CCDC68: variants seen among roughly 807,000 people sequenced by gnomAD.
The protein encoded by CCDC68 is coiled-coil domain-containing protein 68.
In CCDC68, 45 loss-of-function variants were observed where a neutral mutation model predicts 47.1. That is an observed-to-expected ratio of 0.96 (90% CI 0.75 to 1.23). The LOEUF (loss-of-function observed/expected upper bound fraction) is 1.23, where lower values mean the gene tolerates loss of function less well. Among genes scored for constraint, CCDC68 ranks in the 50% most tolerant of loss-of-function variants. CCDC68 has a pLI of 0.00. For synonymous variants in CCDC68, 131 were observed against 129.5 expected, an observed-to-expected ratio of 1.01 and a Z score of -0.08; for missense variants, 353 against 373.6, an observed-to-expected ratio of 0.94 and a Z score of 0.45.
At chr18:54,905,077 T>C (rs1252196110) in intron 11 of CCDC68, among the ~76,000 whole-genome samples, 2 of 151,620 alleles carry the variant, frequency 1.3e-5, no homozygotes, top group Admixed American at 6.6e-5. Context: ...CTAGGCACCA[T>C]AGCAAGATGC....
chr18:54,915,211 G>A (rs892553765), intron 10 of CCDC68, among the ~76,000 whole-genome samples: 4 of 152,344 alleles, frequency 2.6e-5, no homozygotes, highest in African/African-American at 9.6e-5. Flanking sequence ...TGTTGGAACA[G>A]CTTCAATAAG....
In CCDC68 at chr18:54,917,961, G is replaced by T; in HGVS notation, c.825C>A (p.Asp275Glu). The T allele has an allele frequency of 1.9e-6, 3 of 1,564,754 alleles. No individual in the cohort carries two copies. Among genetic ancestry groups the T allele is most frequent in the South Asian group, 1.1e-5 (1 of 87,908 alleles). The change falls in exon 10 of 12, where the codon GAC becomes GAA. Residue 275 changes from aspartate to glutamate, a missense_variant. Coordinates refer to ENST00000591504, the MANE Select transcript of CCDC68 (RefSeq NM_025214.3). ...TTTCTCTGAGATTTTCAATTCTTTT[G>T]TCTTGTTCTTTTAAATTATTTTTTA... ...EGLKNNLKEQ[D>E]KRIENLREKV...
chr18:54,933,550 C>A (rs1022945924), intron 7 of CCDC68, among the ~76,000 whole-genome samples: 2 of 152,196 alleles, frequency 1.3e-5, no homozygotes, highest in African/African-American at 4.8e-5. Context: ...TTCCTTAATG[C>A]AAACATTCTT....
intron 1 of CCDC68, among the ~76,000 whole-genome samples, chr18:54,949,076 C>T (rs548013966): frequency 6.6e-6 from 1 of 152,228 alleles, no homozygotes; most frequent in African/African-American, 2.4e-5. Context: ...TTACTTCAAC[C>T]TCTACTTCCT....
In CCDC68 at chr18:54,937,956, C is replaced by T; in HGVS notation, c.345+1G>A. ...AAATTTGAAACTTCTAAAAGTCATA[C>T]CTTGATTTTCAATACTTCATTCTCT... On this transcript the variant is annotated splice_donor_variant, in intron 5 of 11. Transcript: ENST00000591504. LOFTEE classifies it high-confidence loss of function. The T allele has an allele frequency of 6.2e-7, 1 of 1,609,060 alleles. No individual in the cohort carries two copies. Among genetic ancestry groups the T allele is most frequent in the Non-Finnish European group, 8.5e-7 (1 of 1,178,278 alleles).
chr18:54,957,369 T>A (rs997935096), intron 1 of CCDC68, among the ~76,000 whole-genome samples: 9 of 152,198 alleles, frequency 5.9e-5, no homozygotes, highest in African/African-American at 2.2e-4. Flanking sequence ...GAATGGATCA[T>A]TTATGTGGTC....
intron 1 of CCDC68, among the ~76,000 whole-genome samples, chr18:54,952,870 A>G (rs1377693210): frequency 1.3e-5 from 2 of 152,112 alleles, no homozygotes; most frequent in African/African-American, 2.4e-5. Flanking sequence ...AAAATTAGCC[A>G]GTTGTGGCGG....
intron 10 of CCDC68, among the ~76,000 whole-genome samples, chr18:54,914,796 T>G (rs1270228319): frequency 6.6e-6 from 1 of 152,194 alleles, no homozygotes; most frequent in Admixed American, 6.5e-5. Context: ...AATTGCTGAA[T>G]AGTCGGTAAT....
chr18:54,941,444 CAATTACTACTTAGTAATCACTACAAAAT>C (rs1470167602), intron 3 of CCDC68, among the ~76,000 whole-genome samples: 10 of 151,976 alleles, frequency 6.6e-5, no homozygotes, highest in Non-Finnish European at 1.5e-4. Context: ...TACTATAAAA[CAATTACTACTTAGTAATCACTACAAAAT>C]AATTACTACC....
rs1401458552 is a variant in CCDC68, at chr18:54,936,698, C to T, written c.471+135G>A. 3 of 1,073,396 alleles carry T rather than the reference C, an allele frequency of 2.8e-6. No homozygotes were observed. In the African/African-American group the frequency reaches 4.7e-5, roughly 17 times the overall value. 66.5% of individuals were successfully genotyped at this position (1,073,396 alleles called of 1,614,324 possible). A position where few individuals can be genotyped will look rare whatever the true frequency, so the allele number is the denominator to read the frequency against. ...GAGAAATTGGCAAAAGAGACAAGCA[C>T]ACCGCTTCTTTCCCAAGTCTTTTGC... On this transcript the variant is annotated intron_variant, in intron 6 of 11. Transcript: ENST00000591504.
Position 54,909,360 on chromosome 18 carries a change from GT to G in CCDC68, c.874-1499del, listed in dbSNP as rs1325424029. ...AGACTTAGAGAGTCATGTAATTATA[GT>G]TTAAAAGGTATTTTCTTTCTTTTTT... On this transcript the variant is annotated intron_variant, in intron 10 of 11. Coordinates refer to ENST00000591504, the MANE Select transcript of CCDC68 (RefSeq NM_025214.3). Among the ~76,000 whole-genome samples the G allele has an allele frequency of 5.4e-5, 8 of 147,020 alleles. No homozygotes were observed. In the Admixed American group the frequency reaches 5.6e-4, roughly 10 times the overall value.
chr18:54,931,045 A>G (rs1340872348), intron 7 of CCDC68, among the ~76,000 whole-genome samples: 2 of 151,990 alleles, frequency 1.3e-5, no homozygotes, highest in Admixed American at 1.3e-4. Context: ...AGCGTATGAT[A>G]AGGCTTGGAT....
At chr18:54,918,836 T>G (rs1443078776) in intron 9 of CCDC68, among the ~76,000 whole-genome samples, 1 of 152,228 alleles carries the variant, frequency 6.6e-6, no homozygotes, top group Admixed American at 6.5e-5. Context: ...GCCTCGACTT[T>G]GCCACCTATC....
intron 10 of CCDC68, among the ~76,000 whole-genome samples, chr18:54,909,699 C>A (rs142068304): frequency 0.015 from 2,280 of 152,322 alleles, 35 homozygotes; most frequent in South Asian, 0.06. Context: ...GGGCACACAG[C>A]GCCGGGTACT....
intron 1 of CCDC68, among the ~76,000 whole-genome samples, chr18:54,956,352 A>G (rs2044713369): frequency 6.6e-6 from 1 of 152,240 alleles, no homozygotes; most frequent in South Asian, 2.1e-4. Context: ...ACTGCTTAAT[A>G]GGAACCTGGA....
At chr18:54,918,334 T>C (rs2043990913) in intron 9 of CCDC68, among the ~76,000 whole-genome samples, 1 of 152,122 alleles carries the variant, frequency 6.6e-6, no homozygotes, top group South Asian at 2.1e-4. Flanking sequence ...CAGCTGCTGG[T>C]GGACAGGATG....
chr18:54,922,443 A>C (rs1371594009), intron 8 of CCDC68, among the ~76,000 whole-genome samples: 1 of 152,204 alleles, frequency 6.6e-6, no homozygotes, highest in Non-Finnish European at 1.5e-5. Context: ...AGAAATCTGC[A>C]GATGTTGCTC....
chr18:54,948,028 T>A (rs2044554932), intron 1 of CCDC68, among the ~76,000 whole-genome samples: 1 of 152,198 alleles, frequency 6.6e-6, no homozygotes, highest in African/African-American at 2.4e-5. Context: ...CTAAACCTTG[T>A]GCTCTGGTTA....
chr18:54,919,929 CG>C (rs1250057801), intron 8 of CCDC68, among the ~76,000 whole-genome samples: 2 of 150,606 alleles, frequency 1.3e-5, no homozygotes, highest in Non-Finnish European at 3.0e-5. Flanking sequence ...CATAGGGAAA[CG>C]GGGGGAAAAA....
Sources: gnomAD v4.1 joint callset for allele counts (sites outside exome capture counted in the v4.1 genomes callset) on GRCh38, gnomAD v4.1.1 for gene constraint, MANE v1.5 for transcripts, NCBI Gene and HGNC (gene_info 2026-07-23, HGNC 2026-07-21) for gene names.